Variants in TRPV6 observed in about 807,000 individuals in gnomAD.
The protein encoded by TRPV6 is Alu-binding protein with zinc finger domain.
A neutral mutation model predicts 79.0 loss-of-function variants in TRPV6; 39 were observed. The ratio of observed to expected loss-of-function variants is 0.49; its 90% CI spans 0.38 to 0.64. The LOEUF (loss-of-function observed/expected upper bound fraction) is 0.64, where lower values mean the gene tolerates loss of function less well. Ranked by LOEUF, TRPV6 falls within the 30% of genes least tolerant of loss-of-function variation. TRPV6 has a pLI of 0.00. For synonymous variants in TRPV6, 373 were observed against 391.9 expected, an observed-to-expected ratio of 0.95 and a Z score of 0.57; for missense variants, 813 against 1,011.1, an observed-to-expected ratio of 0.80 and a Z score of 2.66.
intron 11 of TRPV6, 152 bp from the exon 12 acceptor site, chr7:142,874,294 A>G: frequency 8.7e-7 from 1 of 1,150,366 alleles, no homozygotes; most frequent in Non-Finnish European, 1.3e-6. Flanking sequence ...GATCTACCTG[A>G]CCTGCTTTGG....
At chr7:142,874,870 G>C in intron 10 of TRPV6, 34 bp downstream of exon 10, 1 of 1,612,616 alleles carries the variant, frequency 6.2e-7, no homozygotes, top group East Asian at 2.2e-5. Context: ...GCCCTGTTGA[G>C]GGAAGGGATG....
chr7:142,876,870 T>TGCAGGATG (rs773575341), intron 4 of TRPV6, 33 bp from the exon 5 acceptor site: 1 of 1,612,070 alleles, frequency 6.2e-7, no homozygotes, highest in Non-Finnish European at 8.5e-7. Context: ...GGTAGGAGAG[T>TGCAGGATG]GCAGGATGGC....
Position 142,873,857 on chromosome 7 carries a change from G to T in TRPV6, c.1640-141C>A. 2 of 1,263,244 alleles carry T rather than the reference G, an allele frequency of 1.6e-6. No individual in the cohort carries two copies. The highest frequency in any genetic ancestry group is 2.2e-6 in the Non-Finnish European group (2 of 903,918). 78.3% of individuals were successfully genotyped at this position (1,263,244 alleles called of 1,614,324 possible). A position where few individuals can be genotyped will look rare whatever the true frequency, so the allele number is the denominator to read the frequency against. ...AGTGCTCCAAACTTTGGGTTTTTAC[G>T]GTCCCTAGTTTTGTATGAGCCTCAT... On this transcript the variant is annotated intron_variant, in intron 12 of 14. Coordinates refer to ENST00000359396, the MANE Select transcript of TRPV6 (RefSeq NM_018646.6). This position sits in a 1 kb window ranked among gnomAD's most constrained non-coding sequence, Gnocchi z 4.8.
chr7:142,885,333 G>T (rs1292993212), intron 1 of TRPV6, 56 bp downstream of exon 1: 2 of 1,546,964 alleles, frequency 1.3e-6, no homozygotes, highest in Admixed American at 1.8e-5. Context: ...GAGGGGTGAG[G>T]GGTAGAGGTG....
chr7:142,876,154 G>A (rs1795063223), intron 6 of TRPV6: 2 of 689,060 alleles, frequency 2.9e-6, no homozygotes, highest in African/African-American at 1.8e-5. Context: ...TCTGGGGGCT[G>A]AAAGGGAAGG....
chr7:142,881,826 C>T (rs1435502917), intron 1 of TRPV6: 1 of 152,274 alleles, frequency 6.6e-6, no homozygotes, highest in African/African-American at 2.4e-5. Context: ...GCCCCACACC[C>T]TCATCTGCTC....
chr7:142,879,784 A>C (rs1390728109), intron 1 of TRPV6: 1 of 152,272 alleles, frequency 6.6e-6, no homozygotes, highest in Admixed American at 6.5e-5. Context: ...GCTAAGGATA[A>C]GGAACACAGA....
Position 142,873,437 on chromosome 7 carries a change from AG to A in TRPV6, c.1908+10del. On this transcript the variant is annotated intron_variant, in intron 13 of 14. Coordinates refer to ENST00000359396, the MANE Select transcript of TRPV6 (RefSeq NM_018646.6). The surrounding 1 kb of genome is among the most constrained non-coding windows in gnomAD (Gnocchi z 4.8). Reference sequence around the variant, plus strand: ...ACTTGCCCTAACCCTCCCTGCCACCAGGGGGCTCACCTGGGCCCTCCACAGC... The same window carrying A: ...ACTTGCCCTAACCCTCCCTGCCACCAGGGGCTCACCTGGGCCCTCCACAGC... The A allele has an allele frequency of 1.2e-6, 2 of 1,612,230 alleles. No homozygotes were observed. Among genetic ancestry groups the A allele is most frequent in the Non-Finnish European group, 8.5e-7 (1 of 1,178,686 alleles).
chr7:142,881,176 G>C (rs892293246), intron 1 of TRPV6: 1 of 152,232 alleles, frequency 6.6e-6, no homozygotes, highest in Non-Finnish European at 1.5e-5. Context: ...GGTCCCTGAA[G>C]GAGGTGCACA....
rs1211706901 is a variant in TRPV6 at position 142,876,495 on chromosome 7, A to G, written c.795T>C (p.His265=). 11 of 1,614,042 alleles carry G rather than the reference A, an allele frequency of 6.8e-6. No homozygotes were observed. The highest frequency in any genetic ancestry group is 1.3e-5 in the African/African-American group (1 of 74,902). ...GGTCCAGGGGCTGCAGGTGGTCCCC[A>G]TGTCTGTCGTAGGACAGCAACAGGT... The change falls in exon 6 of 15, where the codon CAT becomes CAC. Residue 265 remains histidine (H), a synonymous_variant. Coordinates refer to ENST00000359396, the MANE Select transcript of TRPV6 (RefSeq NM_018646.6).
chr7:142,872,322 C>T lies in TRPV6; in HGVS notation c.2015+50G>A, dbSNP rs201991861. 1,217 of 1,590,464 alleles carry T rather than the reference C, an allele frequency of 7.7e-4. 1 individual carries two copies. The highest frequency in any genetic ancestry group is 1.6e-3 in the Admixed American group (96 of 59,648). On this transcript the variant is annotated intron_variant, in intron 14 of 14. Coordinates refer to ENST00000359396, the MANE Select transcript of TRPV6 (RefSeq NM_018646.6). Reference sequence around the variant, plus strand: ...CGGAAGCTGTCTGAGCAGGGGGATACCCTGCCGATGAGGCTTCTCAGGGGA... The same window carrying T: ...CGGAAGCTGTCTGAGCAGGGGGATATCCTGCCGATGAGGCTTCTCAGGGGA...
chr7:142,871,356 C>G lies in TRPV6; in HGVS notation c.*351G>C, dbSNP rs1446491784. The stretch of plus-strand genomic sequence containing the variant: ...CTGCCTGGGTGCCCTGGGAAGGGCT[C>G]TCTCCCCACTTATGACCCTGGGGTG... On this transcript the variant is annotated 3_prime_UTR_variant, in exon 15 of 15. Transcript: ENST00000359396. The G allele has an allele frequency of 8.9e-6, 4 of 448,142 alleles. No homozygotes were observed. The highest frequency in any genetic ancestry group is 2.0e-5 in the African/African-American group (1 of 51,152). 27.8% of individuals were successfully genotyped at this position (448,142 alleles called of 1,614,324 possible).
chr7:142,872,630 G>A (rs745400829), intron 13 of TRPV6, 152 bp from the exon 14 acceptor site: 22 of 777,404 alleles, frequency 2.8e-5, no homozygotes, highest in South Asian at 6.8e-5. Flanking sequence ...CATCCATGAC[G>A]CAGCCAGGCC....
intron 1 of TRPV6, 30 bp downstream of exon 1, chr7:142,885,358 TG>T (rs1165241394): frequency 6.4e-7 from 1 of 1,572,306 alleles, no homozygotes; most frequent in Non-Finnish European, 8.6e-7. Flanking sequence ...CCTGGGGAGG[TG>T]GGGAAGGGAG....
intron 11 of TRPV6, 133 bp downstream of exon 11, chr7:142,874,358 A>G: frequency 7.6e-7 from 1 of 1,316,838 alleles, no homozygotes; most frequent in Admixed American, 1.9e-5. Flanking sequence ...ATTGTTAAAA[A>G]AGAAGAAAAA....
At chr7:142,872,140 C>G in intron 14 of TRPV6, 151 bp from the exon 15 acceptor site, 1 of 1,214,294 alleles carries the variant, frequency 8.2e-7, no homozygotes, top group Non-Finnish European at 1.1e-6. Flanking sequence ...GGTCACTGGC[C>G]CCTTGGCAGC....
chr7:142,876,293 G>C, intron 6 of TRPV6, 115 bp downstream of exon 6: 1 of 1,442,754 alleles, frequency 6.9e-7, no homozygotes, highest in South Asian at 1.4e-5. Context: ...AAATTTCTGA[G>C]TTGAGAATGG....
In TRPV6 at chr7:142,873,433, C is replaced by T. The variant is rs755415752; in HGVS notation, c.1908+15G>A. On this transcript the variant is annotated intron_variant, in intron 13 of 14. Coordinates refer to ENST00000359396, the MANE Select transcript of TRPV6 (RefSeq NM_018646.6). The surrounding 1 kb of genome is among the most constrained non-coding windows in gnomAD (Gnocchi z 4.8). Reference sequence around the variant, plus strand: ...GATGACTTGCCCTAACCCTCCCTGCCACCAGGGGGCTCACCTGGGCCCTCC... The same window carrying T: ...GATGACTTGCCCTAACCCTCCCTGCTACCAGGGGGCTCACCTGGGCCCTCC... The T allele has an allele frequency of 6.2e-7, 1 of 1,611,972 alleles. No individual in the cohort carries two copies. The highest frequency in any genetic ancestry group is 8.5e-7 in the Non-Finnish European group (1 of 1,178,540).
At chr7:142,884,377 C>A (rs1322886828) in intron 1 of TRPV6, 2 of 152,226 alleles carry the variant, frequency 1.3e-5, no homozygotes, top group Non-Finnish European at 2.9e-5. Flanking sequence ...AGAGAAAAAC[C>A]CTAAGGCACA....
Sources: gnomAD v4.1 joint callset for allele counts on GRCh38, gnomAD v4.1.1 for gene constraint, Gnocchi (gnomAD v3.1) non-coding constraint, MANE v1.5 for transcripts, NCBI Gene and HGNC (gene_info 2026-07-23, HGNC 2026-07-21) for gene names.